Variants in ZNF844 observed in about 807,000 individuals in gnomAD.
ZNF844 encodes zinc finger protein 844.
A neutral mutation model predicts 11.4 loss-of-function variants in ZNF844; 11 were observed. The observed-to-expected ratio is 0.97, with a 90% confidence interval of 0.61 to 1.60. ZNF844 has a LOEUF of 1.60. ZNF844 is among the 40% of genes most tolerant of loss of function. ZNF844 has a pLI of 0.00. For synonymous variants in ZNF844, 248 were observed against 260.3 expected (o/e 0.95, Z 0.46); for missense variants, 790 against 796.8 (o/e 0.99, Z 0.10).
chr19:12,065,956 G>C (rs983390887), intron 1 of ZNF844, among the ~76,000 whole-genome samples: 2 of 151,906 alleles, frequency 1.3e-5, no homozygotes, highest in African/African-American at 4.8e-5. Flanking sequence ...TTTAAACAAG[G>C]TCTCACTCTG....
chr19:12,066,630 T>C (rs1975692234), intron 1 of ZNF844, among the ~76,000 whole-genome samples: 1 of 144,578 alleles, frequency 6.9e-6, no homozygotes, highest in Admixed American at 7.3e-5. Context: ...CACTGCAAGC[T>C]CTGCCTCCCG....
rs1568361643 is a variant in ZNF844, at chr19:12,077,037, A to G, written c.1917A>G (p.Arg639=). ...ACACAAAAGGATGCACACTGGAGAG[A>G]AACCATATTAATGTAAGGATTGTGG... ...CVYTKGCTLE[R]NHINVRIVGK... The change falls in exon 4 of 4, where the codon AGA becomes AGG. Residue 639 remains arginine, a synonymous_variant. Transcript: ENST00000439326. 2.5e-6 allele frequency: 4 copies of G among 1,597,302 alleles called. No homozygotes were observed. The highest frequency in any genetic ancestry group is 3.4e-6 in the Non-Finnish European group (4 of 1,171,134).
rs1975880631 is a variant in ZNF844 at position 12,080,221 on chromosome 19, G to C, written c.*3100G>C. The C allele has an allele frequency of 5.0e-6, 1 of 200,584 alleles. No homozygotes were observed. Among genetic ancestry groups the C allele is most frequent in the Non-Finnish European group, 1.0e-5 (1 of 97,654 alleles). 12.4% of individuals were successfully genotyped at this position (200,584 alleles called of 1,614,324 possible). A position where few individuals can be genotyped will look rare whatever the true frequency, so the allele number is the denominator to read the frequency against. Reference sequence around the variant, plus strand: ...AAAAACTAGCTGGGCGTGGTGGTGGGCGCCTGTAGTCCCAGCTACTCGGGA... The same window carrying C: ...AAAAACTAGCTGGGCGTGGTGGTGGCCGCCTGTAGTCCCAGCTACTCGGGA... On this transcript the variant is annotated 3_prime_UTR_variant, in exon 4 of 4. Coordinates refer to ENST00000439326, the MANE Select transcript of ZNF844 (RefSeq NM_001136501.3).
rs1828324418 is a variant in ZNF844 at position 12,071,414 on chromosome 19, T to C, written c.4-2617T>C. Reference sequence around the variant, plus strand: ...ATTTTATTTTCACATTGAAAGTCAATCAGATTTGCTTCAGCTTTAAAGAGT... The same window carrying C: ...ATTTTATTTTCACATTGAAAGTCAACCAGATTTGCTTCAGCTTTAAAGAGT... On this transcript the variant is annotated intron_variant, in intron 1 of 3. Transcript: ENST00000439326. Among the ~76,000 whole-genome samples, 3 of 152,346 alleles carry C rather than the reference T, an allele frequency of 2.0e-5. No individual in the cohort carries two copies. The South Asian group carries it at 6.2e-4, about 32-fold the overall frequency.
In ZNF844 at chr19:12,067,311, C is replaced by T. The variant is rs746652149; in HGVS notation, c.3+2435C>T. On this transcript the variant is annotated intron_variant, in intron 1 of 3. Transcript: ENST00000439326. ...TCTGGGTGACAGAGTGAGACCCTGT[C>T]TCAAAAATAAGAAAATTAGGCCGGG... 2.0e-3 allele frequency among the ~76,000 whole-genome samples: 307 copies of T among 152,154 alleles called. 1 individual carries two copies. The highest frequency in any genetic ancestry group is 1.7e-3 in the Non-Finnish European group (117 of 67,992).
intron 1 of ZNF844, among the ~76,000 whole-genome samples, chr19:12,069,953 C>CAAAA (rs34426508): frequency 3.1e-5 from 2 of 64,954 alleles, no homozygotes; most frequent in African/African-American, 4.9e-5. Context: ...GACTCCGTCT[C>CAAAA]AAAAAAAAAA....
At chr19:12,072,960 T>C (rs1450691117) in intron 1 of ZNF844, among the ~76,000 whole-genome samples, 2 of 152,214 alleles carry the variant, frequency 1.3e-5, no homozygotes, top group African/African-American at 2.4e-5. Context: ...TCCAGATATA[T>C]GACTTTCCAA....
In ZNF844 at chr19:12,080,510, C is replaced by A. The variant is rs1975885786; in HGVS notation, c.*3389C>A. 4.4e-6 allele frequency: 1 copy of A among 226,812 alleles called. No homozygotes were observed. 14.0% of individuals were successfully genotyped at this position (226,812 alleles called of 1,614,324 possible). ...CATTTTAGAGGCACCAAACAGGTGC[C>A]ACATCCATACAGGCTGACTCCCTGC... is the stretch of plus-strand genomic sequence containing the variant. On this transcript the variant is annotated 3_prime_UTR_variant, in exon 4 of 4. Coordinates refer to ENST00000439326, the MANE Select transcript of ZNF844 (RefSeq NM_001136501.3).
At chr19:12,075,169 G>T in intron 3 of ZNF844, 143 bp from the exon 4 acceptor site, 1 of 471,076 alleles carries the variant, frequency 2.1e-6, no homozygotes, top group African/African-American at 2.0e-5. Context: ...AAACCTGCAC[G>T]TTGTGCACAT....
At position 12,076,501 on chromosome 19, in the gene ZNF844, C is replaced by A; in HGVS notation, c.1381C>A (p.His461Asn). ...SNVGKPSDLP[H>N]TFKCMEGLTL... ...TGTGGGAAAGCCTTCAGATCTGCCTCACACCTTCAAATGCATGGAAGGACT... is the reference window on the plus strand; with the variant it reads ...TGTGGGAAAGCCTTCAGATCTGCCTAACACCTTCAAATGCATGGAAGGACT... The change falls in exon 4 of 4, where the codon CAC (histidine) becomes AAC (asparagine). Residue 461 changes from histidine to asparagine, a missense_variant. Around this residue, in one of 3 missense-constraint regions of ZNF844, gnomAD observed 657 missense variants for 636.2 expected, o/e 1.03. Transcript: ENST00000439326. 6.3e-7 allele frequency: 1 copy of A among 1,596,396 alleles called. No individual in the cohort carries two copies. Among genetic ancestry groups the A allele is most frequent in the Non-Finnish European group, 8.5e-7 (1 of 1,174,116 alleles).
In ZNF844 at chr19:12,075,475, A is replaced by T. The variant is rs751251407; in HGVS notation, c.355A>T (p.Asn119Tyr). 6.2e-7 allele frequency: 1 copy of T among 1,613,242 alleles called. No homozygotes were observed. The highest frequency in any genetic ancestry group is 1.1e-5 in the South Asian group (1 of 90,836). The part of the protein sequence containing the change: ...GEVFVGHSSL[N>Y]RHIRADTAHK... ...AGTCTTCGTGGGTCATTCTTCCCTT[A>T]ATAGGCACATTAGAGCTGACACTGC... The change falls in exon 4 of 4, where the codon AAT becomes TAT. Residue 119 changes from asparagine (N) to tyrosine (Y), a missense_variant. Coordinates refer to ENST00000439326, the MANE Select transcript of ZNF844 (RefSeq NM_001136501.3).
chr19:12,067,959 AGAAGGAAG>A (rs71166653), intron 1 of ZNF844, among the ~76,000 whole-genome samples: 1 of 68,100 alleles, frequency 1.5e-5, no homozygotes, highest in Admixed American at 1.6e-4. Flanking sequence ...AAAGAAGGAA[AGAAGGAAG>A]GAAGGAAGGA....
chr19:12,076,337 C>T lies in ZNF844; in HGVS notation c.1217C>T (p.Pro406Leu), dbSNP rs764772831. The T allele has an allele frequency of 6.2e-6, 10 of 1,613,702 alleles. No homozygotes were observed. In the South Asian group the frequency reaches 6.6e-5, roughly 11 times the overall value. ...TVVKPSIVPV[P>L]FTIMKGLTLE... ...GTAAAGCCTTCAATCGTTCCAGTTC[C>T]TTTCACTATCATGAAAGGACTCACA... is the stretch of plus-strand genomic sequence containing the variant. The change falls in exon 4 of 4, where the codon CCT (proline) becomes CTT (leucine). Residue 406 changes from proline (P) to leucine (L), a missense_variant. Physicochemically the swap from Pro to Leu is moderately conservative, Grantham distance 98 (BLOSUM62 -3). Coordinates refer to ENST00000439326, the MANE Select transcript of ZNF844 (RefSeq NM_001136501.3).
In ZNF844 at chr19:12,064,834, G is replaced by C; in HGVS notation, c.-40G>C. ...CTTCTGTCGCCCTGTCGTCTGTGTTGTGACTGCTTTGGACGTGGGAGTCAC... is the reference window on the plus strand; with the variant it reads ...CTTCTGTCGCCCTGTCGTCTGTGTTCTGACTGCTTTGGACGTGGGAGTCAC... On this transcript the variant is annotated 5_prime_UTR_variant, in exon 1 of 4. Coordinates refer to ENST00000439326, the MANE Select transcript of ZNF844 (RefSeq NM_001136501.3). The C allele has an allele frequency of 1.1e-5, 17 of 1,548,880 alleles. No individual in the cohort carries two copies. The highest frequency in any genetic ancestry group is 1.5e-5 in the Non-Finnish European group (17 of 1,146,110).
intron 1 of ZNF844, among the ~76,000 whole-genome samples, chr19:12,066,763 G>C (rs1038410829): frequency 6.6e-6 from 1 of 150,804 alleles, no homozygotes; most frequent in Non-Finnish European, 1.5e-5. Context: ...AGCCAGGATG[G>C]TCTGGATTTC....
intron 1 of ZNF844, among the ~76,000 whole-genome samples, chr19:12,069,372 T>G (rs1478290784): frequency 6.6e-6 from 1 of 150,996 alleles, no homozygotes; most frequent in African/African-American, 2.4e-5. Flanking sequence ...TTAGTAGAGA[T>G]AGGGTTTCAC....
Position 12,075,786 on chromosome 19 carries a change from G to T in ZNF844, c.666G>T (p.Glu222Asp), listed in dbSNP as rs1032834906. ...TACATGAACGAGTTCACACTGGAGA[G>T]AAACCATATAAATGTAAACAATGTG... ...YLIHERVHTG[E>D]KPYKCKQCGK... is the part of the protein sequence containing the mutation. Residue 222 changes from glutamate (E) to aspartate (D), a missense_variant, in exon 4 of 4, where the codon GAG becomes GAT. This residue lies in a region of ZNF844 where 657 missense variants were observed against 636.2 expected (regional missense o/e 1.03). Coordinates refer to ENST00000439326, the MANE Select transcript of ZNF844 (RefSeq NM_001136501.3). 1 of 1,612,586 alleles carries T rather than the reference G, an allele frequency of 6.2e-7. No homozygotes were observed. Among genetic ancestry groups the T allele is most frequent in the Non-Finnish European group, 8.5e-7 (1 of 1,179,342 alleles).
At position 12,075,368 on chromosome 19, in the gene ZNF844, C is replaced by T. The variant is rs757629766; in HGVS notation, c.248C>T (p.Thr83Ile). Reference protein sequence around the residue: ...ENTEENHCGETSSQIPDDTLN... With the variant: ...ENTEENHCGEISSQIPDDTLN... ...ACAGAAGAAAATCATTGTGGAGAAA[C>T]TTCTAGCCAGATTCCAGATGACACA... Residue 83 changes from threonine (T) to isoleucine (I), a missense_variant, in exon 4 of 4, where the codon ACT (threonine) becomes ATT (isoleucine). Transcript: ENST00000439326. 6.4e-7 allele frequency: 1 copy of T among 1,556,144 alleles called. No individual in the cohort carries two copies. Among genetic ancestry groups the T allele is most frequent in the South Asian group, 1.2e-5 (1 of 83,290 alleles).
Position 12,077,558 on chromosome 19 carries a change from G to A in ZNF844, c.*437G>A. On this transcript the variant is annotated 3_prime_UTR_variant, in exon 4 of 4. Transcript: ENST00000439326. ...CTGGAGAGAAACCCTATGAATGTAA[G>A]CAGTGTGGTAAAGCCTTCAGATCTG... 1 of 603,020 alleles carries A rather than the reference G, an allele frequency of 1.7e-6. No individual in the cohort carries two copies. The highest frequency in any genetic ancestry group is 1.4e-5 in the South Asian group (1 of 73,142). 37.4% of individuals were successfully genotyped at this position (603,020 alleles called of 1,614,324 possible).
Sources: gnomAD v4.1 joint callset for allele counts (sites outside exome capture counted in the v4.1 genomes callset) on GRCh38, gnomAD v4.1.1 for gene constraint, gnomAD v4.1.1 regional missense constraint, MANE v1.5 for transcripts, NCBI Gene and HGNC (gene_info 2026-07-23, HGNC 2026-07-21) for gene names.